Variants in BICD1 observed in about 807,000 individuals in gnomAD.
BICD1 encodes BICD cargo adaptor 1.
A neutral mutation model predicts 92.5 loss-of-function variants in BICD1; 35 were observed. The observed-to-expected ratio is 0.38, with a 90% CI of 0.29 to 0.50. BICD1 has a LOEUF of 0.50. BICD1 is among the 20% of genes least tolerant of loss of function. BICD1 has a pLI of 0.93. For missense variants in BICD1, 950 were observed against 1,189.8 expected (o/e 0.80, Z 2.97); for synonymous variants, 429 against 465.1 (o/e 0.92, Z 1.00).
intron 2 of BICD1, among the ~76,000 whole-genome samples, chr12:32,236,975 C>A (rs528783365): frequency 6.7e-6 from 1 of 149,732 alleles, no homozygotes; most frequent in African/African-American, 2.5e-5. Context: ...CCTGGGTTCA[C>A]GCCATTCTCC....
chr12:32,112,518 C>A (rs887150342), intron 1 of BICD1, among the ~76,000 whole-genome samples: 1 of 152,056 alleles, frequency 6.6e-6, no homozygotes, highest in Non-Finnish European at 1.5e-5. Flanking sequence ...TATTGCTTTC[C>A]AAATTTGAAA....
intron 1 of BICD1, among the ~76,000 whole-genome samples, chr12:32,134,596 G>A (rs1592353655): frequency 6.6e-6 from 1 of 152,218 alleles, no homozygotes; most frequent in African/African-American, 2.4e-5. Flanking sequence ...GAGCCAAAAA[G>A]CTACTTGGTA....
intron 3 of BICD1, among the ~76,000 whole-genome samples, chr12:32,297,849 G>A (rs1357768276): frequency 6.6e-6 from 1 of 151,994 alleles, no homozygotes; most frequent in Non-Finnish European, 1.5e-5. Flanking sequence ...ACCTACGATA[G>A]AGCCTGATCC....
chr12:32,219,125 A>G (rs920771003), intron 2 of BICD1, among the ~76,000 whole-genome samples: 16 of 152,158 alleles, frequency 1.1e-4, no homozygotes, highest in Non-Finnish European at 2.1e-4. Flanking sequence ...AGAAATATAC[A>G]AGGATAACCA....
At chr12:32,153,681 G>A (rs1943354506) in intron 1 of BICD1, among the ~76,000 whole-genome samples, 1 of 151,986 alleles carries the variant, frequency 6.6e-6, no homozygotes, top group Admixed American at 6.6e-5. Flanking sequence ...GCTTGGGTCT[G>A]GGAGGCAGAG....
chr12:32,339,425 C>T (rs1938272510), intron 8 of BICD1: 1 of 986,526 alleles, frequency 1.0e-6, no homozygotes, highest in Non-Finnish European at 1.2e-6. Context: ...AGAACGTCTC[C>T]TCAATCATTA....
intron 2 of BICD1, among the ~76,000 whole-genome samples, chr12:32,273,724 T>A (rs1033742275): frequency 6.6e-6 from 1 of 152,230 alleles, no homozygotes; most frequent in African/African-American, 2.4e-5. Context: ...AACTTTCTCC[T>A]TAGTTCAGCT....
intron 8 of BICD1, chr12:32,340,611 A>T: frequency 1.4e-6 from 1 of 717,036 alleles, no homozygotes; most frequent in Non-Finnish European, 1.7e-6. Context: ...AACAACAATA[A>T]CTGTTTTCAT....
In BICD1 at chr12:32,238,944, C is replaced by CAAAAA. The variant is rs111403291; in HGVS notation, c.426+22501_426+22505dup. Among the ~76,000 whole-genome samples the CAAAAA allele has an allele frequency of 2.2e-3, 156 of 70,514 alleles. 1 individual carries two copies. Among genetic ancestry groups the CAAAAA allele is most frequent in the East Asian group, 4.6e-3 (11 of 2,400 alleles). The allele number at this position is 70,514 out of a possible 152,430, so 46.3% of individuals were successfully genotyped here. On this transcript the variant is annotated intron_variant, in intron 2 of 9. Coordinates refer to ENST00000652176, the MANE Select transcript of BICD1 (RefSeq NM_001714.4). ...GGGCAACAAGAGCAAAACTCTGTCT[C>CAAAAA]AAAAAAAAAAAAAAAAAAAAGGCTG... is the stretch of plus-strand genomic sequence containing the variant.
intron 4 of BICD1, among the ~76,000 whole-genome samples, chr12:32,324,057 G>A (rs171886): frequency 0.74 from 112,123 of 152,002 alleles, 41,603 homozygotes; most frequent in East Asian, 0.86. Flanking sequence ...AGGGCCGGGC[G>A]CGGTGGCTCA....
chr12:32,246,079 G>A (rs1226862031), intron 2 of BICD1, among the ~76,000 whole-genome samples: 2 of 144,302 alleles, frequency 1.4e-5, no homozygotes, highest in African/African-American at 5.1e-5. Context: ...ATCACAACTT[G>A]GAGCAAAAAA....
At chr12:32,193,100 G>T (rs1278162538) in intron 1 of BICD1, among the ~76,000 whole-genome samples, 1 of 152,140 alleles carries the variant, frequency 6.6e-6, no homozygotes. Context: ...TTCTACTGTG[G>T]GTAAAATGCT....
At chr12:32,354,189 C>A (rs2136310345) in intron 8 of BICD1, 1 of 152,278 alleles carries the variant, frequency 6.6e-6, no homozygotes, top group Admixed American at 6.5e-5. Context: ...TTCATCAGGA[C>A]AGCAAATGGG....
At chr12:32,289,280 A>C (rs1947661552) in intron 2 of BICD1, among the ~76,000 whole-genome samples, 1 of 152,220 alleles carries the variant, frequency 6.6e-6, no homozygotes, top group Non-Finnish European at 1.5e-5. Flanking sequence ...ATTGTATTTT[A>C]TGATTTTTTG....
intron 8 of BICD1, among the ~76,000 whole-genome samples, chr12:32,361,541 A>C (rs1276300572): frequency 2.0e-5 from 3 of 148,144 alleles, no homozygotes; most frequent in Admixed American, 1.3e-4. Flanking sequence ...CAACAGAGCG[A>C]GACTCCATCT....
intron 8 of BICD1, among the ~76,000 whole-genome samples, chr12:32,355,769 C>T (rs1360917579): frequency 1.3e-5 from 2 of 151,706 alleles, no homozygotes; most frequent in Non-Finnish European, 2.9e-5. Context: ...GATCACGCCA[C>T]TGCACTCCAG....
chr12:32,376,536 A>G (rs546770588), intron 9 of BICD1, among the ~76,000 whole-genome samples: 9 of 151,808 alleles, frequency 5.9e-5, no homozygotes, highest in African/African-American at 1.9e-4. Flanking sequence ...AGGCTATCAC[A>G]GGCGTCGTTT....
intron 8 of BICD1, 107 bp downstream of exon 8, chr12:32,339,086 T>G (rs1938253563): frequency 7.2e-7 from 1 of 1,383,746 alleles, no homozygotes; most frequent in Admixed American, 3.9e-5. Context: ...ATACCTTTGA[T>G]GATGTGTAAA....
At chr12:32,238,136 T>C (rs1946126619) in intron 2 of BICD1, among the ~76,000 whole-genome samples, 1 of 152,156 alleles carries the variant, frequency 6.6e-6, no homozygotes, top group Non-Finnish European at 1.5e-5. Context: ...AGGCTGGGCA[T>C]GGTGGCCTAT....
Sources: allele counts gnomAD v4.1 joint callset (sites outside exome capture counted in the v4.1 genomes callset), GRCh38; gene constraint gnomAD v4.1.1; transcripts MANE v1.5; gene names NCBI Gene and HGNC (gene_info 2026-07-23, HGNC 2026-07-21).